PAG1: variants seen among roughly 807,000 people sequenced by gnomAD.
PAG1 encodes phosphoprotein membrane anchor with glycosphingolipid microdomains 1.
In PAG1, 23 loss-of-function variants were observed where a neutral mutation model predicts 31.7. The observed-to-expected ratio is 0.73, with a 90% confidence interval of 0.52 to 1.03. PAG1 has a LOEUF of 1.03. PAG1 is among the 50% of genes least tolerant of loss of function. The pLI is 0.00. For missense variants in PAG1, 473 were observed against 540.7 expected, an observed-to-expected ratio of 0.87 and a Z score of 1.24; for synonymous variants, 214 against 210.3, an observed-to-expected ratio of 1.02 and a Z score of -0.15.
chr8:81,107,425 C>T (rs1413330430), intron 1 of PAG1, among the ~76,000 whole-genome samples: 1 of 152,136 alleles, frequency 6.6e-6, no homozygotes, highest in Non-Finnish European at 1.5e-5. Context: ...ATCACAAAGG[C>T]TCAAAAATCA....
At chr8:81,025,153 CTT>C (rs386413187) in intron 3 of PAG1, among the ~76,000 whole-genome samples, 1 of 145,032 alleles carries the variant, frequency 6.9e-6, no homozygotes, top group Non-Finnish European at 1.5e-5. Context: ...CGGTGGATTT[CTT>C]TTTTTTTTTT....
At chr8:81,009,107 C>T in intron 3 of PAG1, among the ~76,000 whole-genome samples, 1 of 152,164 alleles carries the variant, frequency 6.6e-6, no homozygotes, top group Non-Finnish European at 1.5e-5. Context: ...ACATGGCTGG[C>T]TGGATGCTCA....
chr8:81,073,437 G>A (rs1282141270), intron 1 of PAG1, among the ~76,000 whole-genome samples: 1 of 152,162 alleles, frequency 6.6e-6, no homozygotes, highest in Admixed American at 6.5e-5. Flanking sequence ...CAAAGGGCCT[G>A]GTGGGCTCAA....
intron 2 of PAG1, among the ~76,000 whole-genome samples, chr8:81,035,670 G>A (rs564011030): frequency 2.0e-5 from 3 of 152,258 alleles, no homozygotes; most frequent in African/African-American, 4.8e-5. Context: ...GAAGGCAGGA[G>A]GAGATGTACT....
intron 2 of PAG1, among the ~76,000 whole-genome samples, chr8:81,045,650 G>T (rs1231381583): frequency 1.3e-5 from 2 of 152,140 alleles, no homozygotes; most frequent in African/African-American, 2.4e-5. Flanking sequence ...GAAAGCCACT[G>T]AACTGTATAC....
At chr8:81,073,377 AC>A (rs1809125036) in intron 1 of PAG1, among the ~76,000 whole-genome samples, 1 of 152,174 alleles carries the variant, frequency 6.6e-6, no homozygotes, top group Admixed American at 6.5e-5. Context: ...GAGACAAGCG[AC>A]AGGATTCTCA....
At position 81,071,000 on chromosome 8, in the gene PAG1, G is replaced by A. The variant is rs562944709; in HGVS notation, c.-233-830C>T. Among the ~76,000 whole-genome samples the A allele has an allele frequency of 1.4e-4, 21 of 152,230 alleles. No homozygotes were observed. The South Asian group carries it at 4.2e-3, about 30-fold the overall frequency. ...GAGAAATATCCACTGGGGGAAACTG[G>A]TGCCTCCTCTCCCCTCTTTTCTTTT... On this transcript the variant is annotated intron_variant, in intron 1 of 8. Coordinates refer to ENST00000220597, the MANE Select transcript of PAG1 (RefSeq NM_018440.4).
At chr8:81,025,513 T>A (rs1465420894) in intron 3 of PAG1, among the ~76,000 whole-genome samples, 1 of 151,908 alleles carries the variant, frequency 6.6e-6, no homozygotes, top group East Asian at 1.9e-4. Flanking sequence ...GAGGGAGGAA[T>A]TGTCAAATGT....
chr8:80,978,391 T>C (rs570188971), intron 8 of PAG1, among the ~76,000 whole-genome samples: 1 of 152,306 alleles, frequency 6.6e-6, no homozygotes, highest in East Asian at 1.9e-4. Flanking sequence ...ACAGAATGTA[T>C]TATCTAAATG....
intron 2 of PAG1, among the ~76,000 whole-genome samples, chr8:81,034,080 G>A (rs1808424134): frequency 6.6e-6 from 1 of 152,194 alleles, no homozygotes; most frequent in African/African-American, 2.4e-5. Context: ...TATGAGACCA[G>A]AATCATGAAA....
intron 3 of PAG1, among the ~76,000 whole-genome samples, chr8:81,006,882 A>G (rs549009507): frequency 5.3e-5 from 8 of 152,192 alleles, no homozygotes; most frequent in Non-Finnish European, 8.8e-5. Flanking sequence ...TTAAGCTAAC[A>G]TTTTAAAGAG....
At chr8:80,980,074 G>C (rs1436719756) in intron 8 of PAG1, among the ~76,000 whole-genome samples, 1 of 152,122 alleles carries the variant, frequency 6.6e-6, no homozygotes, top group Admixed American at 6.5e-5. Flanking sequence ...CTAATTTCCT[G>C]AATTTTCCAA....
At chr8:80,983,196 GGCATCC>G (rs1182548684) in intron 7 of PAG1, among the ~76,000 whole-genome samples, 1 of 151,962 alleles carries the variant, frequency 6.6e-6, no homozygotes, top group Non-Finnish European at 1.5e-5. Flanking sequence ...CCTCACACTG[GGCATCC>G]CCTCTGCTTC....
intron 2 of PAG1, among the ~76,000 whole-genome samples, chr8:81,064,729 G>A (rs1358544459): frequency 6.6e-6 from 1 of 152,144 alleles, no homozygotes; most frequent in African/African-American, 2.4e-5. Context: ...TTCAAAAGTA[G>A]TTCTTACGAT....
intron 2 of PAG1, among the ~76,000 whole-genome samples, chr8:81,052,200 A>G (rs1464528034): frequency 2.6e-5 from 4 of 152,064 alleles, no homozygotes; most frequent in Admixed American, 2.0e-4. Flanking sequence ...ATTGTTGAAG[A>G]AAGTAGTTTC....
At chr8:81,019,510 G>T (rs925903395) in intron 3 of PAG1, among the ~76,000 whole-genome samples, 3 of 152,232 alleles carry the variant, frequency 2.0e-5, no homozygotes, top group African/African-American at 4.8e-5. Flanking sequence ...ATGGCTAAAA[G>T]GGGCCAACAT....
chr8:81,109,242 A>G (rs1809738122), intron 1 of PAG1, among the ~76,000 whole-genome samples: 1 of 152,276 alleles, frequency 6.6e-6, no homozygotes, highest in Non-Finnish European at 1.5e-5. Flanking sequence ...GGTGCTGTTA[A>G]GCACTTTGCA....
chr8:80,988,873 CAGCTAT>C (rs1317544125), intron 5 of PAG1, among the ~76,000 whole-genome samples: 1 of 151,862 alleles, frequency 6.6e-6, no homozygotes. Flanking sequence ...ATGCCTGGCT[CAGCTAT>C]AGCTAAGAGT....
chr8:80,981,380 C>A (rs928008740), intron 7 of PAG1, among the ~76,000 whole-genome samples: 2 of 152,016 alleles, frequency 1.3e-5, no homozygotes, highest in African/African-American at 2.4e-5. Flanking sequence ...GCCAATCATA[C>A]GTGAACTCAA....
Sources: allele counts gnomAD v4.1 joint callset (sites outside exome capture counted in the v4.1 genomes callset), GRCh38; gene constraint gnomAD v4.1.1; transcripts MANE v1.5; gene names NCBI Gene and HGNC (gene_info 2026-07-23, HGNC 2026-07-21).